The following TANC2 variants were observed in gnomAD, a reference collection of about 807,000 sequenced individuals.
The protein encoded by TANC2 is tetratricopeptide repeat, ankyrin repeat and coiled-coil containing 2, also known as protein TANC2.
In TANC2, 26 loss-of-function variants were observed where a neutral mutation model predicts 210.5. The observed-to-expected ratio is 0.12, with a 90% CI of 0.09 to 0.17. The LOEUF (loss-of-function observed/expected upper bound fraction) is 0.17. Ranked by LOEUF, TANC2 falls within the 10% of genes least tolerant of loss-of-function variation. TANC2 has a pLI of 1.00. For missense variants in TANC2, 2,129 were observed against 2,608.9 expected, an observed-to-expected ratio of 0.82 and a Z score of 4.01; for synonymous variants, 931 against 967.1, an observed-to-expected ratio of 0.96 and a Z score of 0.69.
intron 8 of TANC2, among the ~76,000 whole-genome samples, chr17:63,239,665 C>T (rs1263393991): frequency 1.3e-5 from 2 of 152,142 alleles, no homozygotes; most frequent in African/African-American, 4.8e-5. Flanking sequence ...CTAACTATGT[C>T]AATCCCCAAC....
intron 2 of TANC2, among the ~76,000 whole-genome samples, chr17:63,052,483 T>G (rs9894178): frequency 4.5e-4 from 68 of 152,286 alleles, no homozygotes; most frequent in Non-Finnish European, 5.9e-5. Context: ...TTGAATGTCA[T>G]TGAGTAGTTT....
chr17:63,358,120 G>A (rs963131331), intron 14 of TANC2, among the ~76,000 whole-genome samples: 6 of 152,182 alleles, frequency 3.9e-5, no homozygotes, highest in Non-Finnish European at 7.3e-5. Context: ...GGTTGCTTCT[G>A]CCTGAGCTGA....
At chr17:63,171,081 C>CTTTTTTTTT (rs578140711) in intron 5 of TANC2, among the ~76,000 whole-genome samples, 1 of 98,080 alleles carries the variant, frequency 1.0e-5, no homozygotes, top group African/African-American at 4.6e-5. Flanking sequence ...GTATTTCTTT[C>CTTTTTTTTT]TTTTTTTTTT....
chr17:63,254,798 A>G (rs1390982367), intron 8 of TANC2, among the ~76,000 whole-genome samples: 2 of 152,128 alleles, frequency 1.3e-5, no homozygotes, highest in Non-Finnish European at 2.9e-5. Flanking sequence ...TGTGTGTTGA[A>G]CCATCCTTGC....
At chr17:63,289,126 G>A (rs527617840) in intron 9 of TANC2, among the ~76,000 whole-genome samples, 1 of 152,096 alleles carries the variant, frequency 6.6e-6, no homozygotes, top group African/African-American at 2.4e-5. Context: ...GTTCTTTATC[G>A]TAGTTTCAAA....
At chr17:63,201,233 G>A (rs1162514036) in intron 7 of TANC2, among the ~76,000 whole-genome samples, 1 of 151,918 alleles carries the variant, frequency 6.6e-6, no homozygotes, top group Non-Finnish European at 1.5e-5. Context: ...GTAAATGCAC[G>A]TACATCAACT....
At position 63,099,377 on chromosome 17, in the gene TANC2, T is replaced by C; in HGVS notation, c.322+20T>C. On this transcript the variant is annotated intron_variant, in intron 4 of 27. Transcript: ENST00000689528. ...TAACTGGTAAGGACTTTACCTAAAT[T>C]TAGTATGTTTAACAGGAAACCTAAC... is the stretch of plus-strand genomic sequence containing the variant. 6.8e-7 allele frequency: 1 copy of C among 1,465,514 alleles called. No homozygotes were observed. Among genetic ancestry groups the C allele is most frequent in the East Asian group, 2.5e-5 (1 of 39,760 alleles). 90.8% of individuals were successfully genotyped at this position (1,465,514 alleles called of 1,614,324 possible).
intron 12 of TANC2, among the ~76,000 whole-genome samples, chr17:63,343,534 G>C (rs975986686): frequency 6.6e-6 from 1 of 152,178 alleles, no homozygotes; most frequent in Non-Finnish European, 1.5e-5. Context: ...TTAATGTTTA[G>C]CATATTTTTA....
intron 9 of TANC2, among the ~76,000 whole-genome samples, chr17:63,276,640 A>C (rs1029541472): frequency 1.1e-4 from 16 of 152,136 alleles, no homozygotes; most frequent in African/African-American, 3.9e-4. Context: ...AAGTTATTCA[A>C]AGATTCAAAG....
At chr17:63,272,537 T>G (rs1217205733) in intron 9 of TANC2, among the ~76,000 whole-genome samples, 2 of 152,174 alleles carry the variant, frequency 1.3e-5, no homozygotes, top group African/African-American at 4.8e-5. Flanking sequence ...TCTTACCAAT[T>G]ACTTTTGGCA....
At position 63,056,023 on chromosome 17, in the gene TANC2, A is replaced by ATG. The variant is rs2035792683; in HGVS notation, c.68-17919_68-17918dup. Among the ~76,000 whole-genome samples, 9 of 107,650 alleles carry ATG rather than the reference A, an allele frequency of 8.4e-5. No homozygotes were observed. The South Asian group carries it at 2.0e-3, about 24-fold the overall frequency. 70.6% of individuals were successfully genotyped at this position (107,650 alleles called of 152,430 possible). On this transcript the variant is annotated intron_variant, in intron 2 of 27. Coordinates refer to ENST00000689528, the Ensembl canonical transcript of TANC2. ...TATATATATATATATATATATATAT[A>ATG]TGCCAGGGGTGGTGGCTCCCACCTA...
At chr17:63,386,735 G>A (rs904016461) in intron 15 of TANC2, among the ~76,000 whole-genome samples, 4 of 152,234 alleles carry the variant, frequency 2.6e-5, no homozygotes, top group African/African-American at 7.2e-5. Flanking sequence ...ATTGAGATGG[G>A]AGGTTTATTT....
intron 9 of TANC2, among the ~76,000 whole-genome samples, chr17:63,278,225 C>T (rs2043945825): frequency 6.6e-6 from 1 of 152,030 alleles, no homozygotes; most frequent in East Asian, 1.9e-4. Flanking sequence ...TATTTTCAAA[C>T]CATGTATCTG....
chr17:63,186,808 C>T (rs762114886), intron 5 of TANC2, among the ~76,000 whole-genome samples: 1 of 152,180 alleles, frequency 6.6e-6, no homozygotes, highest in African/African-American at 2.4e-5. Context: ...CAAAATAAAA[C>T]CAAGAACTAC....
intron 2 of TANC2, among the ~76,000 whole-genome samples, chr17:63,053,369 C>T (rs2144413884): frequency 6.6e-6 from 1 of 152,330 alleles, no homozygotes; most frequent in African/African-American, 2.4e-5. Context: ...GTGATCAATT[C>T]TCAATCTTCA....
chr17:63,401,483 G>T (rs1406889407), intron 19 of TANC2, among the ~76,000 whole-genome samples: 1 of 152,176 alleles, frequency 6.6e-6, no homozygotes, highest in Non-Finnish European at 1.5e-5. Flanking sequence ...CAATTTCAGA[G>T]ATGTTAAAAT....
At chr17:63,316,528 C>T (rs2045318791) in intron 10 of TANC2, among the ~76,000 whole-genome samples, 1 of 152,174 alleles carries the variant, frequency 6.6e-6, no homozygotes, top group African/African-American at 2.4e-5. Context: ...TATTCTCTAA[C>T]ATCCATTGCC....
intron 3 of TANC2, among the ~76,000 whole-genome samples, chr17:63,077,141 TG>T (rs2036598424): frequency 6.6e-6 from 1 of 151,626 alleles, no homozygotes; most frequent in South Asian, 2.1e-4. Context: ...TTCATGCTTC[TG>T]GGGGGTGGGA....
intron 4 of TANC2, among the ~76,000 whole-genome samples, chr17:63,143,490 A>G (rs1288978093): frequency 6.6e-6 from 1 of 152,220 alleles, no homozygotes; most frequent in Non-Finnish European, 1.5e-5. Flanking sequence ...TTTCACAGCT[A>G]TAACTTCTGA....
Sources: allele counts gnomAD v4.1 joint callset (sites outside exome capture counted in the v4.1 genomes callset), GRCh38; gene constraint gnomAD v4.1.1; transcripts MANE v1.5; gene names NCBI Gene and HGNC (gene_info 2026-07-23, HGNC 2026-07-21).